The following WWOX variants were observed in gnomAD, a reference collection of about 807,000 sequenced individuals.
WWOX encodes the protein WW domain-containing oxidoreductase.
WWOX carries 69 observed loss-of-function variants against 46.2 expected under a neutral mutation model. The observed-to-expected ratio is 1.49, with a 90% CI of 1.23 to 1.82. The LOEUF is 1.82. Ranked by LOEUF, WWOX falls within the 40% of genes most tolerant of loss-of-function variation. WWOX has a pLI of 0.00. For missense variants in WWOX, 919 were observed against 542.6 expected (o/e 1.69, Z -6.89); for synonymous variants, 359 against 202.6 (o/e 1.77, Z -6.56).
At chr16:78,304,775 G>A (rs1181192537) in intron 5 of WWOX, among the ~76,000 whole-genome samples, 1 of 152,106 alleles carries the variant, frequency 6.6e-6, no homozygotes, top group Non-Finnish European at 1.5e-5. Context: ...GAATGGAAAG[G>A]ATCTATTCCT....
intron 5 of WWOX, among the ~76,000 whole-genome samples, chr16:78,290,510 C>T (rs1179369869): frequency 6.6e-6 from 1 of 152,100 alleles, no homozygotes; most frequent in Admixed American, 6.6e-5. Flanking sequence ...TTCGGTAAAT[C>T]TGTCAGAAGG....
chr16:78,725,344 C>CTTTTTTTTTTTTTTTTTTTTT (rs1220702069), intron 8 of WWOX, among the ~76,000 whole-genome samples: 12 of 61,858 alleles, frequency 1.9e-4, no homozygotes, highest in African/African-American at 2.9e-4. Flanking sequence ...CTTTTCTTTT[C>CTTTTTTTTTTTTTTTTTTTTT]TTTTTTTTTT....
intron 8 of WWOX, among the ~76,000 whole-genome samples, chr16:78,504,539 G>A (rs1027935252): frequency 6.6e-6 from 1 of 152,208 alleles, no homozygotes; most frequent in South Asian, 2.1e-4. Flanking sequence ...ATTTTGTTAT[G>A]TAAATGCTCA....
At chr16:78,808,034 C>A (rs1446344654) in intron 8 of WWOX, among the ~76,000 whole-genome samples, 1 of 152,142 alleles carries the variant, frequency 6.6e-6, no homozygotes, top group East Asian at 1.9e-4. Context: ...TCAAATGTCC[C>A]ATCTTTCCCC....
chr16:79,012,308 C>G (rs191511370), intron 8 of WWOX, among the ~76,000 whole-genome samples: 5 of 152,226 alleles, frequency 3.3e-5, no homozygotes, highest in Admixed American at 6.5e-5. Flanking sequence ...TCTCGACTCA[C>G]TGCAACCTAC....
intron 8 of WWOX, among the ~76,000 whole-genome samples, chr16:78,589,379 A>G (rs1403477586): frequency 6.6e-6 from 1 of 152,202 alleles, no homozygotes; most frequent in African/African-American, 2.4e-5. Flanking sequence ...GATTTTATTG[A>G]CAGTCATTTC....
chr16:78,576,842 G>C (rs1049871517), intron 8 of WWOX, among the ~76,000 whole-genome samples: 2 of 152,172 alleles, frequency 1.3e-5, no homozygotes, highest in Non-Finnish European at 2.9e-5. Flanking sequence ...TAAAATAAAT[G>C]CTGCCTTGGG....
chr16:78,569,210 CT>C (rs1346719571), intron 8 of WWOX, among the ~76,000 whole-genome samples: 5 of 152,320 alleles, frequency 3.3e-5, no homozygotes, highest in African/African-American at 1.2e-4. Context: ...CTGTTTCCCA[CT>C]GAGAAGAATC....
At chr16:78,734,992 G>T (rs1415547475) in intron 8 of WWOX, among the ~76,000 whole-genome samples, 1 of 150,778 alleles carries the variant, frequency 6.6e-6, no homozygotes, top group South Asian at 2.1e-4. Flanking sequence ...CAGCCTTCCC[G>T]AGTAGCTGGG....
intron 8 of WWOX, among the ~76,000 whole-genome samples, chr16:78,813,852 G>C (rs2051261465): frequency 6.6e-6 from 1 of 151,944 alleles, no homozygotes; most frequent in Non-Finnish European, 1.5e-5. Flanking sequence ...ATTTCAGGCG[G>C]TCAGCACATT....
At chr16:79,183,134 C>T (rs186734235) in intron 8 of WWOX, among the ~76,000 whole-genome samples, 2 of 152,336 alleles carry the variant, frequency 1.3e-5, no homozygotes, top group Admixed American at 1.3e-4. Context: ...ACCGGGAAGA[C>T]CCAAGCCGAG....
At chr16:78,538,306 C>A (rs1302465846) in intron 8 of WWOX, among the ~76,000 whole-genome samples, 1 of 150,666 alleles carries the variant, frequency 6.6e-6, no homozygotes, top group Non-Finnish European at 1.5e-5. Flanking sequence ...GGGGTTGCAC[C>A]TGGAAGCTCA....
intron 8 of WWOX, among the ~76,000 whole-genome samples, chr16:78,984,877 G>A (rs1379255594): frequency 1.3e-5 from 2 of 152,168 alleles, no homozygotes; most frequent in African/African-American, 4.8e-5. Context: ...GGAGCGTGCA[G>A]GGGAAGAACT....
chr16:78,946,730 A>T (rs976458104), intron 8 of WWOX, among the ~76,000 whole-genome samples: 4 of 151,968 alleles, frequency 2.6e-5, no homozygotes, highest in African/African-American at 9.7e-5. Context: ...GTTGAGAGTC[A>T]TGCGGGCCAT....
rs1567563661 is a variant in WWOX, at chr16:78,422,836, T to TAC, written c.606-2033_606-2032insCA. On this transcript the variant is annotated intron_variant, in intron 6 of 8. Coordinates refer to ENST00000566780, the MANE Select transcript of WWOX (RefSeq NM_016373.4). Reference sequence around the variant, plus strand: ...ATATATATACACACACATATATATATATACATATACACACACACACACACA... The same window carrying TAC: ...ATATATATACACACACATATATATATACATACATATACACACACACACACACA... 3.7e-5 allele frequency among the ~76,000 whole-genome samples: 4 copies of TAC among 106,682 alleles called. 1 individual carries two copies. Among genetic ancestry groups the TAC allele is most frequent in the African/African-American group, 1.6e-4 (4 of 24,668 alleles). 70.0% of individuals were successfully genotyped at this position (106,682 alleles called of 152,430 possible).
intron 8 of WWOX, among the ~76,000 whole-genome samples, chr16:79,034,326 C>G (rs911561853): frequency 3.3e-5 from 5 of 152,156 alleles, no homozygotes; most frequent in Non-Finnish European, 7.3e-5. Context: ...TCCTGACATC[C>G]ATTTGGGCAT....
chr16:78,372,004 C>T (rs1394481045), intron 5 of WWOX, among the ~76,000 whole-genome samples: 1 of 152,134 alleles, frequency 6.6e-6, no homozygotes, highest in African/African-American at 2.4e-5. Flanking sequence ...ATGGACTAGG[C>T]CTTGAAGAAG....
At chr16:78,428,319 C>T (rs955718336) in intron 7 of WWOX, among the ~76,000 whole-genome samples, 23 of 152,282 alleles carry the variant, frequency 1.5e-4, no homozygotes, top group Admixed American at 2.0e-4. Flanking sequence ...TGAACATAGT[C>T]GTTTTTCAGG....
chr16:79,191,654 G>A (rs1414804405), intron 8 of WWOX, among the ~76,000 whole-genome samples: 1 of 152,168 alleles, frequency 6.6e-6, no homozygotes, highest in Non-Finnish European at 1.5e-5. Flanking sequence ...GCAGTGAAAT[G>A]TTTTCAAACT....
Sources: gnomAD v4.1 joint callset for allele counts (sites outside exome capture counted in the v4.1 genomes callset) on GRCh38, gnomAD v4.1.1 for gene constraint, MANE v1.5 for transcripts, NCBI Gene and HGNC (gene_info 2026-07-23, HGNC 2026-07-21) for gene names.